Variants in ADAMTSL3 observed in about 807,000 individuals in gnomAD.
The protein encoded by ADAMTSL3 is ADAMTS like 3.
ADAMTSL3 carries 128 observed loss-of-function variants against 201.7 expected under a neutral mutation model. That is an observed-to-expected ratio of 0.63 (90% CI 0.55 to 0.73). The LOEUF (loss-of-function observed/expected upper bound fraction) is 0.73. Among genes scored for constraint, ADAMTSL3 ranks in the 30% least tolerant of loss-of-function variants. ADAMTSL3 has a pLI of 0.00. For synonymous variants in ADAMTSL3, 738 were observed against 748.4 expected, an observed-to-expected ratio of 0.99 and a Z score of 0.23; for missense variants, 1,990 against 2,119.6, an observed-to-expected ratio of 0.94 and a Z score of 1.20.
intron 15 of ADAMTSL3, among the ~76,000 whole-genome samples, chr15:83,903,937 A>AGGG (rs1567226075): frequency 1.3e-3 from 38 of 28,996 alleles, no homozygotes; most frequent in East Asian, 8.4e-3. Flanking sequence ...AAAAAAAAAA[A>AGGG]AAAAAAAGAA....
rs73454635 is a variant in ADAMTSL3, at chr15:83,723,059, T to C, written c.189+18551T>C. On this transcript the variant is annotated intron_variant, in intron 3 of 29. Coordinates refer to ENST00000286744, the MANE Select transcript of ADAMTSL3 (RefSeq NM_207517.3). ...AATGAGAAGTTAAAGTAAGATAACATGTAATACAAATTTTGTAAAATACCA... is the reference window on the plus strand; with the variant it reads ...AATGAGAAGTTAAAGTAAGATAACACGTAATACAAATTTTGTAAAATACCA... 4.4e-3 allele frequency among the ~76,000 whole-genome samples: 668 copies of C among 152,228 alleles called. 2 individuals carry two copies. Among genetic ancestry groups the C allele is most frequent in the African/African-American group, 0.016 (645 of 41,548 alleles).
intron 20 of ADAMTSL3, among the ~76,000 whole-genome samples, chr15:83,978,089 T>C (rs1177417545): frequency 2.6e-5 from 4 of 152,004 alleles, no homozygotes; most frequent in South Asian, 2.1e-4. Flanking sequence ...TAGGAAGGTA[T>C]TGATGCTGTG....
intron 25 of ADAMTSL3, among the ~76,000 whole-genome samples, chr15:84,018,633 A>G (rs1356347873): frequency 6.6e-6 from 1 of 152,180 alleles, no homozygotes; most frequent in African/African-American, 2.4e-5. Context: ...AATAAGGTTA[A>G]TGTGGCCTCA....
chr15:83,723,092 G>C (rs942770488), intron 3 of ADAMTSL3, among the ~76,000 whole-genome samples: 1 of 152,044 alleles, frequency 6.6e-6, no homozygotes, highest in East Asian at 1.9e-4. Context: ...CCATGTAAAA[G>C]ACTTTTCAAA....
At chr15:83,846,197 G>A (rs1359407257) in intron 7 of ADAMTSL3, among the ~76,000 whole-genome samples, 2 of 152,152 alleles carry the variant, frequency 1.3e-5, no homozygotes, top group Non-Finnish European at 2.9e-5. Context: ...TAATAATAAT[G>A]GCCCCCAGGG....
intron 6 of ADAMTSL3, among the ~76,000 whole-genome samples, chr15:83,831,454 A>G (rs577547164): frequency 6.6e-6 from 1 of 152,342 alleles, no homozygotes; most frequent in African/African-American, 2.4e-5. Flanking sequence ...AATGTCTTCA[A>G]GATCAGAGAT....
intron 3 of ADAMTSL3, among the ~76,000 whole-genome samples, chr15:83,769,710 C>A (rs541587683): frequency 1.4e-4 from 21 of 152,196 alleles, no homozygotes; most frequent in African/African-American, 4.8e-4. Context: ...AAAACCCCCT[C>A]TTTGCTTCCA....
In ADAMTSL3 at chr15:84,024,332, G is replaced by T. The variant is rs1471957242; in HGVS notation, c.4458-906G>T. Among the ~76,000 whole-genome samples, 4 of 152,108 alleles carry T rather than the reference G, an allele frequency of 2.6e-5. No homozygotes were observed. In the East Asian group the frequency reaches 7.7e-4, roughly 29 times the overall value. Reference sequence around the variant, plus strand: ...ACACAAAAAATAACAAGATATAGTTGTGCTTTAATTTTAATATGGTGATGA... The same window carrying T: ...ACACAAAAAATAACAAGATATAGTTTTGCTTTAATTTTAATATGGTGATGA... On this transcript the variant is annotated intron_variant, in intron 26 of 29. Transcript: ENST00000286744.
intron 20 of ADAMTSL3, among the ~76,000 whole-genome samples, chr15:83,981,934 A>G (rs1387404946): frequency 6.6e-6 from 1 of 152,220 alleles, no homozygotes; most frequent in Non-Finnish European, 1.5e-5. Context: ...ATGGCCTAGA[A>G]CAAATATTCC....
At chr15:83,709,989 G>A (rs1320401303) in intron 3 of ADAMTSL3, among the ~76,000 whole-genome samples, 3 of 152,044 alleles carry the variant, frequency 2.0e-5, no homozygotes, top group East Asian at 3.9e-4. Context: ...TATTAATATA[G>A]GGTATTAAAA....
At chr15:83,685,512 CT>C (rs970511945) in intron 2 of ADAMTSL3, among the ~76,000 whole-genome samples, 98 of 152,232 alleles carry the variant, frequency 6.4e-4, no homozygotes, top group African/African-American at 2.3e-3. Context: ...TTTTGTGTGT[CT>C]TTTTAAAGAA....
At chr15:83,795,977 G>C (rs1476731305) in intron 4 of ADAMTSL3, among the ~76,000 whole-genome samples, 1 of 152,044 alleles carries the variant, frequency 6.6e-6, no homozygotes, top group East Asian at 1.9e-4. Flanking sequence ...AGAGAGAAAA[G>C]CCATACAGTT....
intron 20 of ADAMTSL3, among the ~76,000 whole-genome samples, chr15:83,975,050 G>T (rs561494114): frequency 1.4e-3 from 207 of 144,100 alleles, no homozygotes; most frequent in Non-Finnish European, 2.5e-3. Context: ...CGCCTAGGCT[G>T]GAGTGCAGTG....
intron 5 of ADAMTSL3, among the ~76,000 whole-genome samples, chr15:83,819,153 C>T (rs972258643): frequency 6.6e-6 from 1 of 151,470 alleles, no homozygotes; most frequent in Non-Finnish European, 1.5e-5. Flanking sequence ...GCCTGTAGTC[C>T]CAGCTACTCA....
chr15:83,717,239 A>G (rs1175125368), intron 3 of ADAMTSL3, among the ~76,000 whole-genome samples: 1 of 152,200 alleles, frequency 6.6e-6, no homozygotes, highest in East Asian at 1.9e-4. Flanking sequence ...GGTGTATGAT[A>G]CTGTGATGTG....
chr15:83,871,107 T>G, intron 9 of ADAMTSL3, 148 bp downstream of exon 9: 1 of 958,750 alleles, frequency 1.0e-6, no homozygotes, highest in Non-Finnish European at 1.5e-6. Context: ...GGCAGTCCAT[T>G]CTTAAAAATT....
intron 9 of ADAMTSL3, among the ~76,000 whole-genome samples, chr15:83,876,263 C>A (rs1403211107): frequency 6.6e-6 from 1 of 152,070 alleles, no homozygotes; most frequent in African/African-American, 2.4e-5. Flanking sequence ...TTCAGACCAT[C>A]CAAACATTGT....
Position 83,924,039 on chromosome 15 carries a change from T to C in ADAMTSL3, c.2117+6T>C, listed in dbSNP as rs765985694. 6 of 1,613,820 alleles carry C rather than the reference T, an allele frequency of 3.7e-6. No individual in the cohort carries two copies. The highest frequency in any genetic ancestry group is 2.2e-5 in the East Asian group (1 of 44,848). ...ACAGAGCCCTGTCCCCCCAGGTATG[T>C]GCTGTCTTGTGTTCCTGGTATATAC... On this transcript the variant is annotated splice_donor_region_variant and intron_variant, in intron 17 of 29. Coordinates refer to ENST00000286744, the MANE Select transcript of ADAMTSL3 (RefSeq NM_207517.3).
intron 3 of ADAMTSL3, among the ~76,000 whole-genome samples, chr15:83,740,742 AAAT>A (rs2062441426): frequency 6.6e-6 from 1 of 152,222 alleles, no homozygotes; most frequent in South Asian, 2.1e-4. Context: ...AGTCTGACAC[AAAT>A]AATAAAAAGA....
Sources: allele counts gnomAD v4.1 joint callset (sites outside exome capture counted in the v4.1 genomes callset), GRCh38; gene constraint gnomAD v4.1.1; transcripts MANE v1.5; gene names NCBI Gene and HGNC (gene_info 2026-07-23, HGNC 2026-07-21).